The following ETHE1 variants were observed in gnomAD, a reference collection of about 807,000 sequenced individuals.
The protein encoded by ETHE1 is persulfide dioxygenase ETHE1, mitochondrial.
Under a neutral mutation model 25.7 loss-of-function variants are expected in ETHE1, and 16 were observed. The ratio of observed to expected loss-of-function variants is 0.62; its 90% confidence interval spans 0.42 to 0.95. The LOEUF (loss-of-function observed/expected upper bound fraction) is 0.95, where lower values mean the gene tolerates loss of function less well. Ranked by LOEUF, ETHE1 falls within the 40% of genes least tolerant of loss-of-function variation. The pLI is 0.00. For synonymous variants in ETHE1, 139 were observed against 135.9 expected, an observed-to-expected ratio of 1.02 and a Z score of -0.16; for missense variants, 300 against 333.6, an observed-to-expected ratio of 0.90 and a Z score of 0.79.
chr19:43,511,681 A>G, intron 3 of ETHE1, 115 bp from the exon 4 acceptor site: 1 of 1,176,124 alleles, frequency 8.5e-7, no homozygotes, highest in Non-Finnish European at 1.2e-6. Flanking sequence ...TTGGTAAAAA[A>G]TGTAGATTCC....
At position 43,508,056 on chromosome 19, in the gene ETHE1, G is replaced by C. The variant is rs1279854587; in HGVS notation, c.600C>G (p.Phe200Leu). Reference sequence around the variant, plus strand: ...TCTCCTCCTCCACGGTGGACACTGTGAACCCTAGGGGCCAAGGGAGGGGAA... The same window carrying C: ...TCTCCTCCTCCACGGTGGACACTGTCAACCCTAGGGGCCAAGGGAGGGGAA... ...LIYPAHDYHG[F>L]TVSTVEEERT... The change falls in exon 6 of 7, where the codon TTC becomes TTG. Residue 200 changes from phenylalanine to leucine, a missense_variant. Transcript: ENST00000292147. 1.2e-6 allele frequency: 2 copies of C among 1,613,654 alleles called. No homozygotes were observed. The highest frequency in any genetic ancestry group is 2.7e-5 in the African/African-American group (2 of 74,910).
intron 1 of ETHE1, 43 bp downstream of exon 1, chr19:43,527,054 G>GACTAGTGCCCAGCAGTCC (rs1313601920): frequency 1.0e-5 from 16 of 1,544,374 alleles, no homozygotes; most frequent in Non-Finnish European, 1.3e-5. Flanking sequence ...CCTTGCTGCC[G>GACTAGTGCCCAGCAGTCC]CCTAGTGCCC....
Position 43,521,106 on chromosome 19 carries a change from G to A in ETHE1, c.375+5095C>T, listed in dbSNP as rs115246246. 6.3e-3 allele frequency among the ~76,000 whole-genome samples: 961 copies of A among 152,166 alleles called. 6 individuals are homozygous for A. The highest frequency in any genetic ancestry group is 0.022 in the African/African-American group (931 of 41,528). On this transcript the variant is annotated intron_variant, in intron 3 of 6. Transcript: ENST00000292147. ...CCTGCATTTTGGGAGGCTGAGGCAC[G>A]CAGATCACTTGAGGCCAGGTGCTCA...
At chr19:43,512,132 T>G (rs1971931118) in intron 3 of ETHE1, among the ~76,000 whole-genome samples, 1 of 152,158 alleles carries the variant, frequency 6.6e-6, no homozygotes, top group African/African-American at 2.4e-5. Flanking sequence ...TTTTTCTTTA[T>G]AAATGACCCA....
chr19:43,516,347 T>A (rs2145994373), intron 3 of ETHE1, among the ~76,000 whole-genome samples: 1 of 152,156 alleles, frequency 6.6e-6, no homozygotes, highest in South Asian at 2.1e-4. Context: ...TCACCCAGGC[T>A]GGAGTGCAGT....
At chr19:43,514,167 G>C (rs984417224) in intron 3 of ETHE1, among the ~76,000 whole-genome samples, 2 of 152,114 alleles carry the variant, frequency 1.3e-5, no homozygotes, top group Admixed American at 1.3e-4. Flanking sequence ...TGGTTTGGCT[G>C]TGTCCCCACC....
intron 3 of ETHE1, among the ~76,000 whole-genome samples, chr19:43,519,810 G>A (rs774697734): frequency 2.0e-5 from 3 of 152,102 alleles, no homozygotes; most frequent in Non-Finnish European, 4.4e-5. Context: ...TAAAACCGCA[G>A]ATAGTACAGA....
intron 3 of ETHE1, among the ~76,000 whole-genome samples, chr19:43,518,178 A>G (rs1972061527): frequency 6.6e-6 from 1 of 152,008 alleles, no homozygotes; most frequent in African/African-American, 2.4e-5. Context: ...GAGACTAAAT[A>G]GACATAATGG....
chr19:43,516,613 T>G (rs1972023525), intron 3 of ETHE1, among the ~76,000 whole-genome samples: 2 of 103,978 alleles, frequency 1.9e-5, no homozygotes, highest in Non-Finnish European at 3.9e-5. Context: ...TTTTTTTTCT[T>G]TCTTTTTTTC....
intron 3 of ETHE1, among the ~76,000 whole-genome samples, chr19:43,513,723 ATT>A (rs35743582): frequency 1.2e-4 from 17 of 138,886 alleles, no homozygotes; most frequent in Non-Finnish European, 6.3e-5. Flanking sequence ...TTTGTTGTTG[ATT>A]TTTTTTTTTT....
chr19:43,515,417 TAAA>T (rs77979210), intron 3 of ETHE1, among the ~76,000 whole-genome samples: 4 of 97,268 alleles, frequency 4.1e-5, no homozygotes, highest in Non-Finnish European at 4.3e-5. Context: ...AACTCCGCCT[TAAA>T]AAAAAAAAAA....
Position 43,506,780 on chromosome 19 carries a change from A to G in ETHE1, c.*70T>C. On this transcript the variant is annotated 3_prime_UTR_variant, in exon 7 of 7. Coordinates refer to ENST00000292147, the MANE Select transcript of ETHE1 (RefSeq NM_014297.5). ...GAATGCGGTGGGAAAGGAGAGGTGC[A>G]GTGTCATTGCCGCCCTCTCCTCCCA... 4.4e-6 allele frequency: 6 copies of G among 1,370,814 alleles called. No individual in the cohort carries two copies. The South Asian group carries it at 5.8e-5, about 13-fold the overall frequency. The allele number at this position is 1,370,814 out of a possible 1,614,324, so 84.9% of individuals were successfully genotyped here. A position where few individuals can be genotyped will look rare whatever the true frequency, so the allele number is the denominator to read the frequency against.
In ETHE1 at chr19:43,506,870, C is replaced by G. The variant is rs766509845; in HGVS notation, c.745G>C (p.Val249Leu). Residue 249 changes from valine to leucine, a missense_variant, in exon 7 of 7, where the codon GTG becomes CTG. By Grantham distance (32) the Val-to-Leu change is conservative. Transcript: ENST00000292147. ...FAVPANMRCG[V>L]QTPTA is the part of the protein sequence containing the mutation. ...TGAGATCAGGCAGTGGGTGTCTGCA[C>G]CCCACAGCGCATGTTGGCTGGAACA... 4 of 1,613,752 alleles carry G rather than the reference C, an allele frequency of 2.5e-6. No individual in the cohort carries two copies. Among genetic ancestry groups the G allele is most frequent in the Non-Finnish European group, 3.4e-6 (4 of 1,179,912 alleles).
intron 4 of ETHE1, among the ~76,000 whole-genome samples, chr19:43,509,462 C>T (rs1245803140): frequency 7.3e-6 from 1 of 137,686 alleles, no homozygotes; most frequent in Admixed American, 7.4e-5. Context: ...ACACCACTGC[C>T]CTCCAGCCTG....
intron 3 of ETHE1, among the ~76,000 whole-genome samples, chr19:43,511,837 C>T (rs542622974): frequency 1.3e-5 from 2 of 152,280 alleles, no homozygotes; most frequent in South Asian, 2.1e-4. Context: ...TATGGTTTGG[C>T]TGTGTCCCCA....
intron 1 of ETHE1, 60 bp downstream of exon 1, chr19:43,527,037 G>C (rs1568502857): frequency 6.5e-7 from 1 of 1,541,398 alleles, no homozygotes; most frequent in African/African-American, 1.4e-5. Context: ...AGACCCCGGA[G>C]TTCCGTCCTT....
chr19:43,526,409 C>T lies in ETHE1; in HGVS notation c.227-60G>A, dbSNP rs991439143. On this transcript the variant is annotated intron_variant, in intron 2 of 6. Transcript: ENST00000292147. ...CAGAAAGGACCTGGGAGTCCCAGCC[C>T]AGATCCTTCTCCCTCAGACTCAGGA... 88 of 1,609,804 alleles carry T rather than the reference C, an allele frequency of 5.5e-5. No homozygotes were observed. In the African/African-American group the frequency reaches 1.1e-3, roughly 21 times the overall value.
chr19:43,519,249 T>C (rs1972092544), intron 3 of ETHE1, among the ~76,000 whole-genome samples: 1 of 151,936 alleles, frequency 6.6e-6, no homozygotes, highest in African/African-American at 2.4e-5. Flanking sequence ...TGACCTCGGG[T>C]GATCCGCACA....
intron 3 of ETHE1, among the ~76,000 whole-genome samples, chr19:43,516,502 A>G (rs951669748): frequency 6.6e-6 from 1 of 150,700 alleles, no homozygotes; most frequent in Non-Finnish European, 1.5e-5. Flanking sequence ...GTTTCACCAC[A>G]TTGGCCAGGC....
Sources: allele counts gnomAD v4.1 joint callset (sites outside exome capture counted in the v4.1 genomes callset), GRCh38; gene constraint gnomAD v4.1.1; transcripts MANE v1.5; gene names NCBI Gene and HGNC (gene_info 2026-07-23, HGNC 2026-07-21).